Variants in ZNF280D observed in about 807,000 individuals in gnomAD.
ZNF280D encodes the protein suppressor of hairy wing homolog 4.
A neutral mutation model predicts 94.7 loss-of-function variants in ZNF280D; 39 were observed. That is an observed-to-expected ratio of 0.41 (90% CI 0.32 to 0.54). The LOEUF is 0.54. Among genes scored for constraint, ZNF280D ranks in the 20% least tolerant of loss-of-function variants. The pLI, the probability that ZNF280D is intolerant of heterozygous loss-of-function variation, is 0.22. For missense variants in ZNF280D, 1,090 were observed against 1,149.3 expected (o/e 0.95, Z 0.75); for synonymous variants, 398 against 377.6 (o/e 1.05, Z -0.63).
intron 1 of ZNF280D, among the ~76,000 whole-genome samples, chr15:56,709,127 T>C (rs1244019070): frequency 3.3e-5 from 5 of 151,912 alleles, no homozygotes; most frequent in African/African-American, 1.2e-4. Context: ...AGGGCTAATA[T>C]CCAGAATCTA....
At chr15:56,731,490 G>C (rs1214041598) in intron 1 of ZNF280D, among the ~76,000 whole-genome samples, 1 of 115,952 alleles carries the variant, frequency 8.6e-6, no homozygotes, top group Admixed American at 1.3e-4. Context: ...CTGGGACACA[G>C]AGCAAGTACC....
chr15:56,712,854 C>T (rs1045299421), intron 1 of ZNF280D, among the ~76,000 whole-genome samples: 1 of 150,976 alleles, frequency 6.6e-6, no homozygotes, highest in Non-Finnish European at 1.5e-5. Flanking sequence ...GATTCTCCTG[C>T]CTCAGCCTCC....
intron 1 of ZNF280D, among the ~76,000 whole-genome samples, chr15:56,725,196 G>A (rs1218672123): frequency 1.3e-5 from 2 of 151,796 alleles, no homozygotes; most frequent in Non-Finnish European, 2.9e-5. Flanking sequence ...TCTTTGCTTT[G>A]GTTACTAGCC....
chr15:56,684,888 G>A (rs1433897220), intron 9 of ZNF280D, among the ~76,000 whole-genome samples: 1 of 151,862 alleles, frequency 6.6e-6, no homozygotes, highest in African/African-American at 2.4e-5. Flanking sequence ...GTATGCCAGA[G>A]AGGACTCACC....
At chr15:56,688,489 CAAAAAAAAAAAA>C (rs55861049) in intron 9 of ZNF280D, among the ~76,000 whole-genome samples, 5 of 76,682 alleles carry the variant, frequency 6.5e-5, no homozygotes, top group African/African-American at 2.6e-4. Context: ...GACTCCGTCT[CAAAAAAAAAAAA>C]AAAAAAAAAG....
chr15:56,631,652 T>C lies in ZNF280D; in HGVS notation c.2786A>G (p.Tyr929Cys), dbSNP rs753595836. 2.5e-6 allele frequency: 4 copies of C among 1,614,172 alleles called. No homozygotes were observed. The South Asian group carries it at 3.3e-5, about 13-fold the overall frequency. Residue 929 changes from tyrosine to cysteine, a missense_variant, in exon 22 of 22, where the codon TAT becomes TGT. This residue lies in a region of ZNF280D where 577 missense variants were observed against 568.8 expected (regional missense o/e 1.01). Coordinates refer to ENST00000267807, the MANE Select transcript of ZNF280D (RefSeq NM_017661.4). Reference sequence around the variant, plus strand: ...TTTCTGAAGAATCTCTGTGGCTTCATACTCAAGTACCTCGGATGGAGTCAG... The same window carrying C: ...TTTCTGAAGAATCTCTGTGGCTTCACACTCAAGTACCTCGGATGGAGTCAG... ...EPLTPSEVLE[Y>C]EATEILQKGS...
intron 4 of ZNF280D, among the ~76,000 whole-genome samples, chr15:56,702,096 C>G (rs758815427): frequency 4.7e-5 from 7 of 149,016 alleles, no homozygotes; most frequent in Non-Finnish European, 8.9e-5. Context: ...AGAAAGAAAC[C>G]AGATCCCATT....
At chr15:56,733,205 C>T (rs1323802398) in intron 1 of ZNF280D, among the ~76,000 whole-genome samples, 27 of 152,166 alleles carry the variant, frequency 1.8e-4, no homozygotes, top group Admixed American at 1.8e-3. Flanking sequence ...GCCTGCGCGG[C>T]CCAGGCCTGC....
chr15:56,659,819 A>G (rs139522155), intron 16 of ZNF280D, among the ~76,000 whole-genome samples: 5,360 of 152,100 alleles, frequency 0.035, 339 homozygotes, highest in Admixed American at 0.16. Context: ...TTTAAGAAAC[A>G]GCAGCCAACA....
At chr15:56,722,973 C>T (rs1443240635) in intron 1 of ZNF280D, among the ~76,000 whole-genome samples, 1 of 150,772 alleles carries the variant, frequency 6.6e-6, no homozygotes, top group Non-Finnish European at 1.5e-5. Context: ...TAAACTATCG[C>T]AAGAACAGAA....
chr15:56,669,976 T>A lies in ZNF280D; in HGVS notation c.1411-1019A>T, dbSNP rs1240078591. The stretch of plus-strand genomic sequence containing the variant: ...ATATATATATATTATATATATATAA[T>A]ATATATATTATATATATATATTATA... On this transcript the variant is annotated intron_variant, in intron 13 of 21. Coordinates refer to ENST00000267807, the MANE Select transcript of ZNF280D (RefSeq NM_017661.4). 4.3e-4 allele frequency among the ~76,000 whole-genome samples: 2 copies of A among 4,698 alleles called. 1 individual carries two copies. Among genetic ancestry groups the A allele is most frequent in the African/African-American group, 2.1e-3 (2 of 946 alleles). 3.1% of individuals were successfully genotyped at this position (4,698 alleles called of 152,430 possible).
At chr15:56,654,299 A>G in intron 18 of ZNF280D, 65 bp from the exon 19 acceptor site, 1 of 1,597,682 alleles carries the variant, frequency 6.3e-7, no homozygotes, top group Admixed American at 1.8e-5. Context: ...GAGAATAATG[A>G]TTTAGTAAAG....
Position 56,702,023 on chromosome 15 carries a change from CA to C in ZNF280D, c.176-786del, listed in dbSNP as rs36004101. Among the ~76,000 whole-genome samples the C allele has an allele frequency of 1.7e-3, 222 of 128,598 alleles. 1 individual carries two copies. Among genetic ancestry groups the C allele is most frequent in the East Asian group, 0.012 (54 of 4,434 alleles). 84.4% of individuals were successfully genotyped at this position (128,598 alleles called of 152,430 possible). A position where few individuals can be genotyped will look rare whatever the true frequency, so the allele number is the denominator to read the frequency against. ...TGGTTAGAAAAAGGTAAAAAGCACC[CA>C]AAAAAAAAAAAAAAAACCACCCACC... On this transcript the variant is annotated intron_variant, in intron 4 of 21. Transcript: ENST00000267807.
At chr15:56,729,290 G>A (rs1370290322) in intron 1 of ZNF280D, among the ~76,000 whole-genome samples, 1 of 152,104 alleles carries the variant, frequency 6.6e-6, no homozygotes, top group Non-Finnish European at 1.5e-5. Context: ...ATTTAGACTT[G>A]GCTGAATATC....
chr15:56,723,931 GAAC>G (rs2058505076), intron 1 of ZNF280D, among the ~76,000 whole-genome samples: 1 of 152,130 alleles, frequency 6.6e-6, no homozygotes, highest in African/African-American at 2.4e-5. Context: ...AACGTGCTCA[GAAC>G]CCTTTACATT....
At chr15:56,704,814 C>T (rs557655661) in intron 3 of ZNF280D, among the ~76,000 whole-genome samples, 391 of 152,130 alleles carry the variant, frequency 2.6e-3, no homozygotes, top group African/African-American at 9.2e-3. Flanking sequence ...AACCCCATCT[C>T]TATTAAAAAT....
chr15:56,712,865 C>A (rs200958080), intron 1 of ZNF280D, among the ~76,000 whole-genome samples: 1 of 151,374 alleles, frequency 6.6e-6, no homozygotes, highest in Non-Finnish European at 1.5e-5. Context: ...CTCAGCCTCC[C>A]GAGTAGCTGG....
rs1490659841 is a variant in ZNF280D at position 56,689,554 on chromosome 15, T to A, written c.500-84A>T. On this transcript the variant is annotated intron_variant, in intron 7 of 21. Coordinates refer to ENST00000267807, the MANE Select transcript of ZNF280D (RefSeq NM_017661.4). ...TGAGTAAAAATATTTTGGAGCTAAA[T>A]TAAAGGTAATATAATTGAATTATCA... 5.9e-6 allele frequency: 5 copies of A among 853,490 alleles called. No homozygotes were observed. The African/African-American group carries it at 8.7e-5, about 15-fold the overall frequency. 52.9% of individuals were successfully genotyped at this position (853,490 alleles called of 1,614,324 possible). A position where few individuals can be genotyped will look rare whatever the true frequency, so the allele number is the denominator to read the frequency against.
At chr15:56,633,173 G>A (rs571280789) in intron 21 of ZNF280D, among the ~76,000 whole-genome samples, 51 of 152,114 alleles carry the variant, frequency 3.4e-4, no homozygotes, top group Middle Eastern at 3.4e-3. Flanking sequence ...ACATTTAGAC[G>A]TATTCCCAAT....
Sources: gnomAD v4.1 joint callset for allele counts (sites outside exome capture counted in the v4.1 genomes callset) on GRCh38, gnomAD v4.1.1 for gene constraint, gnomAD v4.1.1 regional missense constraint, MANE v1.5 for transcripts, NCBI Gene and HGNC (gene_info 2026-07-23, HGNC 2026-07-21) for gene names.